Variants in SUPT3H observed in about 807,000 individuals in gnomAD.
The protein encoded by SUPT3H is transcription initiation protein SPT3 homolog.
SUPT3H carries 44 observed loss-of-function variants against 44.3 expected under a neutral mutation model. That is an observed-to-expected ratio of 0.99 (90% confidence interval 0.78 to 1.28). The LOEUF (loss-of-function observed/expected upper bound fraction) is 1.28, where lower values mean the gene tolerates loss of function less well. SUPT3H is among the 50% of genes most tolerant of loss of function. The pLI, the probability that SUPT3H is intolerant of heterozygous loss-of-function variation, is 0.00. For synonymous variants in SUPT3H, 124 were observed against 125.6 expected, an observed-to-expected ratio of 0.99 and a Z score of 0.09; for missense variants, 380 against 387.1, an observed-to-expected ratio of 0.98 and a Z score of 0.15.
At chr6:44,810,892 C>T (rs552327054) in intron 11 of SUPT3H, among the ~76,000 whole-genome samples, 4 of 146,902 alleles carry the variant, frequency 2.7e-5, no homozygotes, top group Admixed American at 6.9e-5. Flanking sequence ...GATGACAGAG[C>T]GAGAGACTCC....
Position 44,958,872 on chromosome 6 carries a change from GT to G in SUPT3H, c.580+2880del, listed in dbSNP as rs10670652. 1.6e-3 allele frequency among the ~76,000 whole-genome samples: 155 copies of G among 98,244 alleles called. 1 individual carries two copies. The highest frequency in any genetic ancestry group is 5.6e-3 in the African/African-American group (141 of 25,074). 64.5% of individuals were successfully genotyped at this position (98,244 alleles called of 152,430 possible). ...AGGAAAGTTTAAGTACTTATCAATG[GT>G]TTTTTTTTTTTTTTTTTTTTGAGAC... On this transcript the variant is annotated intron_variant, in intron 7 of 10. Coordinates refer to ENST00000371459, the MANE Select transcript of SUPT3H (RefSeq NM_003599.4).
At chr6:45,235,400 G>C (rs1163619396) in intron 2 of SUPT3H, among the ~76,000 whole-genome samples, 4 of 151,992 alleles carry the variant, frequency 2.6e-5, no homozygotes, top group African/African-American at 9.7e-5. Context: ...GGATCAAGTG[G>C]CATTAAATTT....
At chr6:45,141,597 GAAGA>G (rs749724055) in intron 2 of SUPT3H, among the ~76,000 whole-genome samples, 29 of 151,870 alleles carry the variant, frequency 1.9e-4, no homozygotes, top group South Asian at 1.0e-3. Context: ...AGAACAAGTA[GAAGA>G]AAGAACTTCA....
intron 2 of SUPT3H, among the ~76,000 whole-genome samples, chr6:45,287,213 C>G (rs1779458753): frequency 6.6e-6 from 1 of 151,310 alleles, no homozygotes; most frequent in Non-Finnish European, 1.5e-5. Flanking sequence ...GCACATTGTG[C>G]ACATGTACCC....
At chr6:45,221,116 C>G (rs1484000654) in intron 2 of SUPT3H, among the ~76,000 whole-genome samples, 1 of 152,096 alleles carries the variant, frequency 6.6e-6, no homozygotes, top group Non-Finnish European at 1.5e-5. Flanking sequence ...AGCAAACTAT[C>G]ACAAGGACAG....
chr6:45,206,272 T>C (rs1426976039), intron 2 of SUPT3H, among the ~76,000 whole-genome samples: 1 of 152,128 alleles, frequency 6.6e-6, no homozygotes. Flanking sequence ...AAAAATTAGG[T>C]AGAAATGGCA....
intron 2 of SUPT3H, among the ~76,000 whole-genome samples, chr6:45,224,812 A>C (rs962090935): frequency 1.3e-5 from 2 of 151,670 alleles, no homozygotes; most frequent in Non-Finnish European, 2.9e-5. Context: ...AGAAAGAAAA[A>C]AACTACACCC....
intron 2 of SUPT3H, among the ~76,000 whole-genome samples, chr6:45,183,346 CAG>C (rs1441458719): frequency 2.0e-5 from 3 of 152,124 alleles, no homozygotes; most frequent in African/African-American, 7.2e-5. Context: ...GGAATGTATA[CAG>C]AGTTTCTGTT....
intron 2 of SUPT3H, among the ~76,000 whole-genome samples, chr6:45,158,298 A>ATATT: frequency 4.0e-5 from 4 of 99,684 alleles, no homozygotes; most frequent in East Asian, 2.6e-4. Flanking sequence ...ATATATATAT[A>ATATT]TTTTTTTTTT....
intron 2 of SUPT3H, among the ~76,000 whole-genome samples, chr6:45,220,000 T>C (rs905365817): frequency 9.3e-5 from 12 of 128,476 alleles, no homozygotes; most frequent in South Asian, 4.9e-4. Context: ...GACCATGCCA[T>C]TGCACTCCAG....
At chr6:45,322,374 C>T (rs1348350246) in intron 2 of SUPT3H, among the ~76,000 whole-genome samples, 1 of 150,602 alleles carries the variant, frequency 6.6e-6, no homozygotes, top group Non-Finnish European at 1.5e-5. Flanking sequence ...AAAATGTATA[C>T]TTTTATAATT....
intron 2 of SUPT3H, among the ~76,000 whole-genome samples, chr6:45,297,621 A>C (rs767971439): frequency 5.9e-5 from 9 of 152,208 alleles, no homozygotes; most frequent in Non-Finnish European, 1.3e-4. Context: ...GGGAACCAAT[A>C]AATTGTTGGA....
chr6:45,011,685 A>G (rs191100754), intron 5 of SUPT3H, among the ~76,000 whole-genome samples: 277 of 152,174 alleles, frequency 1.8e-3, no homozygotes, highest in African/African-American at 6.5e-3. Context: ...ACTATCTCTT[A>G]TATTTATGTA....
intron 2 of SUPT3H, among the ~76,000 whole-genome samples, chr6:45,287,080 C>G (rs1247650186): frequency 4.0e-5 from 6 of 151,830 alleles, no homozygotes; most frequent in African/African-American, 1.5e-4. Flanking sequence ...CATCACACAC[C>G]GGAGCCTGTT....
chr6:45,197,278 A>T (rs1255062952), intron 2 of SUPT3H, among the ~76,000 whole-genome samples: 2 of 151,700 alleles, frequency 1.3e-5, no homozygotes, highest in Non-Finnish European at 3.0e-5. Context: ...TGATCATTTC[A>T]GATTTTTTCA....
chr6:45,082,093 G>A (rs1247106842), intron 3 of SUPT3H, among the ~76,000 whole-genome samples: 1 of 152,002 alleles, frequency 6.6e-6, no homozygotes, highest in African/African-American at 2.4e-5. Context: ...ATTAAATCAG[G>A]AAGAAATTGA....
intron 3 of SUPT3H, among the ~76,000 whole-genome samples, chr6:45,090,971 T>G (rs1797059028): frequency 6.6e-6 from 1 of 151,980 alleles, no homozygotes; most frequent in Admixed American, 6.6e-5. Flanking sequence ...CTAAAACTTT[T>G]CTTCTTAAAG....
At position 45,028,861 on chromosome 6, in the gene SUPT3H, C is replaced by G. The variant is rs1160573465; in HGVS notation, c.187-8229G>C. 6.2e-5 allele frequency among the ~76,000 whole-genome samples: 5 copies of G among 80,060 alleles called. No homozygotes were observed. In the Admixed American group the frequency reaches 8.3e-4, roughly 13 times the overall value. The allele number at this position is 80,060 out of a possible 152,430, so 52.5% of individuals were successfully genotyped here. A position where few individuals can be genotyped will look rare whatever the true frequency, so the allele number is the denominator to read the frequency against. On this transcript the variant is annotated intron_variant, in intron 3 of 10. Transcript: ENST00000371459. ...ACCATAAAAATGTTTATTTGCCTTTCAAAACATTTTCTTTCTTGGTGAATA... is the reference window on the plus strand; with the variant it reads ...ACCATAAAAATGTTTATTTGCCTTTGAAAACATTTTCTTTCTTGGTGAATA...
At chr6:44,937,258 G>A (rs534062497) in intron 9 of SUPT3H, among the ~76,000 whole-genome samples, 1 of 151,902 alleles carries the variant, frequency 6.6e-6, no homozygotes, top group Non-Finnish European at 1.5e-5. Context: ...TTGGGAGGCC[G>A]AGGCAGGTGG....
Sources: allele counts gnomAD v4.1 joint callset (sites outside exome capture counted in the v4.1 genomes callset), GRCh38; gene constraint gnomAD v4.1.1; transcripts MANE v1.5; gene names NCBI Gene and HGNC (gene_info 2026-07-23, HGNC 2026-07-21).